COG3: variants seen among roughly 807,000 people sequenced by gnomAD.
COG3 encodes conserved oligomeric Golgi complex subunit 3.
COG3 carries 32 observed loss-of-function variants against 114.1 expected under a neutral mutation model. The ratio of observed to expected loss-of-function variants is 0.28; its 90% CI spans 0.21 to 0.38. The LOEUF is 0.38. Among genes scored for constraint, COG3 ranks in the 10% least tolerant of loss-of-function variants. COG3 has a pLI of 1.00. For synonymous variants in COG3, 352 were observed against 365.7 expected (o/e 0.96, Z 0.43); for missense variants, 813 against 973.2 (o/e 0.84, Z 2.19).
At chr13:45,500,065 T>A (rs866660610) in intron 13 of COG3, among the ~76,000 whole-genome samples, 50 of 108,248 alleles carry the variant, frequency 4.6e-4, no homozygotes, top group African/African-American at 1.8e-3. Flanking sequence ...TGTGTGTGTG[T>A]GAGTGTGTGT....
rs200645982 is a variant in COG3 at position 45,493,517 on chromosome 13, A to T, written c.1327+31A>T. 3.2e-6 allele frequency: 5 copies of T among 1,586,944 alleles called. No individual in the cohort carries two copies. The Admixed American group carries it at 8.7e-5, about 27-fold the overall frequency. On this transcript the variant is annotated intron_variant, in intron 12 of 22. Transcript: ENST00000349995. ...TGAGTAGAAATGATCATTTTAAGTT[A>T]TATCACTGGCTCAATGAATTTGAAA...
At chr13:45,496,077 A>G (rs1036205143) in intron 12 of COG3, 75 bp from the exon 13 acceptor site, 28 of 1,451,644 alleles carry the variant, frequency 1.9e-5, no homozygotes, top group Non-Finnish European at 2.3e-5. Flanking sequence ...TGAACAATTT[A>G]GTAACATCTT....
chr13:45,509,578 C>A, intron 14 of COG3, 114 bp from the exon 15 acceptor site: 1 of 1,302,796 alleles, frequency 7.7e-7, no homozygotes, highest in Non-Finnish European at 1.0e-6. Flanking sequence ...AAAATTGGTG[C>A]CCTCTAGCTA....
At chr13:45,512,028 C>T (rs1870918625) in intron 16 of COG3, 174 bp downstream of exon 16, 1 of 591,008 alleles carries the variant, frequency 1.7e-6, no homozygotes, top group South Asian at 2.0e-5. Context: ...TAAATAAAGA[C>T]TGTACTATAT....
At chr13:45,486,982 C>T (rs1258505818) in intron 8 of COG3, among the ~76,000 whole-genome samples, 8 of 152,266 alleles carry the variant, frequency 5.3e-5, no homozygotes, top group Admixed American at 3.3e-4. Context: ...TGTTACATGT[C>T]GTGCTAATTT....
At chr13:45,466,889 C>G (rs1051076291) in intron 1 of COG3, among the ~76,000 whole-genome samples, 1 of 152,078 alleles carries the variant, frequency 6.6e-6, no homozygotes, top group Non-Finnish European at 1.5e-5. Flanking sequence ...TGTTATGTCC[C>G]TACTCTGAGT....
At chr13:45,501,036 C>G (rs1427310749) in intron 13 of COG3, among the ~76,000 whole-genome samples, 1 of 152,180 alleles carries the variant, frequency 6.6e-6, no homozygotes, top group Non-Finnish European at 1.5e-5. Flanking sequence ...GTTATTACAT[C>G]ATATTAAGGG....
chr13:45,535,700 G>C lies in COG3; in HGVS notation c.*969G>C. 4.1e-6 allele frequency: 4 copies of C among 984,922 alleles called. No individual in the cohort carries two copies. The highest frequency in any genetic ancestry group is 4.8e-6 in the Non-Finnish European group (4 of 829,886). 61.0% of individuals were successfully genotyped at this position (984,922 alleles called of 1,614,324 possible). A position where few individuals can be genotyped will look rare whatever the true frequency, so the allele number is the denominator to read the frequency against. ...ACCAGCTGTGTGGATCTCTAGCCCA[G>C]CTACAGCAGAATACATTTTACCAGC... On this transcript the variant is annotated 3_prime_UTR_variant, in exon 23 of 23. Coordinates refer to ENST00000349995, the MANE Select transcript of COG3 (RefSeq NM_031431.4).
intron 19 of COG3, among the ~76,000 whole-genome samples, chr13:45,521,604 C>A (rs1415390967): frequency 6.6e-6 from 1 of 152,062 alleles, no homozygotes; most frequent in East Asian, 1.9e-4. Flanking sequence ...CACACACACG[C>A]AACCATTTCA....
chr13:45,486,600 C>G (rs1311994453), intron 8 of COG3, 25 bp downstream of exon 8: 2 of 1,392,162 alleles, frequency 1.4e-6, no homozygotes, highest in Non-Finnish European at 2.0e-6. Flanking sequence ...ATAACTAGGA[C>G]ATTGCTATGA....
intron 6 of COG3, among the ~76,000 whole-genome samples, 175 bp downstream of exon 6, chr13:45,482,648 A>T (rs757787616): frequency 1.3e-5 from 2 of 152,226 alleles, no homozygotes; most frequent in South Asian, 4.1e-4. Flanking sequence ...GTAACATATT[A>T]AAGAAAAGTT....
chr13:45,476,600 T>TA (rs565193320), intron 2 of COG3, among the ~76,000 whole-genome samples: 78 of 152,366 alleles, frequency 5.1e-4, no homozygotes, highest in African/African-American at 1.8e-3. Context: ...ATTGAGGTTT[T>TA]AATGTCTTAT....
At position 45,482,535 on chromosome 13, in the gene COG3, CT is replaced by C. The variant is rs1886315191; in HGVS notation, c.717+67del. 22 of 793,490 alleles carry C rather than the reference CT, an allele frequency of 2.8e-5. No homozygotes were observed. The South Asian group carries it at 3.8e-4, about 14-fold the overall frequency. The allele number at this position is 793,490 out of a possible 1,614,324, so 49.2% of individuals were successfully genotyped here. On this transcript the variant is annotated intron_variant, in intron 6 of 22. Transcript: ENST00000349995. ...CTTAGATTCCTATTCCTGTTCCTAT[CT>C]TTTTGTGTTTTTCAACTTTTCTGTG...
At chr13:45,532,708 T>A (rs1293026288) in intron 22 of COG3, among the ~76,000 whole-genome samples, 1 of 151,852 alleles carries the variant, frequency 6.6e-6, no homozygotes, top group East Asian at 1.9e-4. Flanking sequence ...TAGCTGGGAC[T>A]ACAGGCCCCG....
chr13:45,476,603 T>A (rs573819776), intron 2 of COG3, among the ~76,000 whole-genome samples: 78 of 152,340 alleles, frequency 5.1e-4, no homozygotes, highest in African/African-American at 1.8e-3. Context: ...GAGGTTTTAA[T>A]GTCTTATGCA....
intron 14 of COG3, among the ~76,000 whole-genome samples, chr13:45,507,025 T>C (rs1487898108): frequency 6.6e-6 from 1 of 152,198 alleles, no homozygotes; most frequent in Non-Finnish European, 1.5e-5. Context: ...GAAGCCCTGG[T>C]CCCGGGGCCT....
chr13:45,517,410 G>A (rs986827586), intron 17 of COG3, among the ~76,000 whole-genome samples: 3 of 152,018 alleles, frequency 2.0e-5, no homozygotes, highest in South Asian at 2.1e-4. Flanking sequence ...GCTCTATTTC[G>A]TTCCCTAGTG....
At chr13:45,518,550 A>G (rs1593742323) in intron 17 of COG3, among the ~76,000 whole-genome samples, 1 of 152,232 alleles carries the variant, frequency 6.6e-6, no homozygotes, top group East Asian at 1.9e-4. Flanking sequence ...ATTGAGATTA[A>G]TAGTCATTTT....
intron 5 of COG3, 70 bp from the exon 6 acceptor site, chr13:45,482,311 A>C: frequency 1.3e-6 from 1 of 779,236 alleles, no homozygotes; most frequent in Non-Finnish European, 2.1e-6. Flanking sequence ...TGCTGACTCT[A>C]ATCCATAGTT....
Sources: gnomAD v4.1 joint callset for allele counts (sites outside exome capture counted in the v4.1 genomes callset) on GRCh38, gnomAD v4.1.1 for gene constraint, MANE v1.5 for transcripts, NCBI Gene and HGNC (gene_info 2026-07-23, HGNC 2026-07-21) for gene names.